SMOX: variants seen among roughly 807,000 people sequenced by gnomAD.
SMOX encodes the protein spermine oxidase, also known as flavin containing amine oxidase.
SMOX carries 22 observed loss-of-function variants against 51.0 expected under a neutral mutation model. That is an observed-to-expected ratio of 0.43 (90% CI 0.31 to 0.62). SMOX has a LOEUF of 0.62. Among genes scored for constraint, SMOX ranks in the 20% least tolerant of loss-of-function variants. The pLI is 0.10. For synonymous variants in SMOX, 282 were observed against 307.8 expected (o/e 0.92, Z 0.88); for missense variants, 566 against 777.7 (o/e 0.73, Z 3.24).
intron 1 of SMOX, among the ~76,000 whole-genome samples, chr20:4,164,498 A>T (rs2122450496): frequency 6.6e-6 from 1 of 152,328 alleles, no homozygotes; most frequent in Non-Finnish European, 1.5e-5. Context: ...CTGGTATTCA[A>T]AGCCAGCGTC....
intron 1 of SMOX, among the ~76,000 whole-genome samples, chr20:4,156,156 C>T (rs1986013014): frequency 6.6e-6 from 1 of 152,208 alleles, no homozygotes; most frequent in South Asian, 2.1e-4. Flanking sequence ...ATTAAAGGTC[C>T]TGACAAGTCC....
At chr20:4,186,340 GA>G (rs751414330) in intron 6 of SMOX, among the ~76,000 whole-genome samples, 3 of 152,134 alleles carry the variant, frequency 2.0e-5, no homozygotes, top group Non-Finnish European at 2.9e-5. Context: ...ATTTTATCAG[GA>G]TCCACAGCTG....
In SMOX at chr20:4,177,867, T is replaced by C. The variant is rs559089605; in HGVS notation, c.435+290T>C. Among the ~76,000 whole-genome samples, 9 of 152,298 alleles carry C rather than the reference T, an allele frequency of 5.9e-5. No individual in the cohort carries two copies. Among genetic ancestry groups the C allele is most frequent in the African/African-American group, 1.9e-4 (8 of 41,562 alleles). ...ATAACTCTACACAAAAAATGAGAAT[T>C]TTGTCTTTTTTTCCTTTCTAGTCAT... On this transcript the variant is annotated intron_variant, in intron 3 of 6. Coordinates refer to ENST00000305958, the MANE Select transcript of SMOX (RefSeq NM_175839.3). The surrounding 1 kb of genome is among the most constrained non-coding windows in gnomAD (Gnocchi z 4.3).
intron 1 of SMOX, among the ~76,000 whole-genome samples, chr20:4,161,160 C>T (rs969771307): frequency 6.6e-6 from 1 of 152,188 alleles, no homozygotes; most frequent in African/African-American, 2.4e-5. Flanking sequence ...GAAGCCACCC[C>T]CTCAGCTGCC....
chr20:4,186,817 C>T (rs767683709), intron 6 of SMOX: 1 of 781,024 alleles, frequency 1.3e-6, no homozygotes, highest in South Asian at 1.3e-5. Flanking sequence ...TGGATGCTAA[C>T]AGGGGCGCCG....
intron 1 of SMOX, among the ~76,000 whole-genome samples, chr20:4,152,153 G>T (rs1985795711): frequency 6.6e-6 from 1 of 152,198 alleles, no homozygotes; most frequent in South Asian, 2.1e-4. Context: ...GTGAGTCTGT[G>T]TGTGTGTCAC....
chr20:4,182,604 C>T lies in SMOX; in HGVS notation c.1125C>T (p.Pro375=), dbSNP rs201590681. ...AGATCTTTCTGGAATTCGAGGAGCC[C>T]TTCTGGGGCCCTGAGTGCAACAGCC... ...TDKIFLEFEE[P]FWGPECNSLQ... Residue 375 remains proline, a synonymous_variant, in exon 5 of 7, where the codon CCC becomes CCT. Coordinates refer to ENST00000305958, the MANE Select transcript of SMOX (RefSeq NM_175839.3). The surrounding 1 kb of genome is among the most constrained non-coding windows in gnomAD (Gnocchi z 8.4). 57 of 1,614,068 alleles carry T rather than the reference C, an allele frequency of 3.5e-5. No individual in the cohort carries two copies. The African/African-American group carries it at 7.2e-4, about 20-fold the overall frequency.
At chr20:4,179,281 G>A (rs1242462650) in intron 3 of SMOX, among the ~76,000 whole-genome samples, 3 of 152,294 alleles carry the variant, frequency 2.0e-5, no homozygotes, top group Non-Finnish European at 2.9e-5. Context: ...TTCGGGGCCC[G>A]TGGTTTGTTC....
At chr20:4,169,278 A>G (rs1374242271) in intron 1 of SMOX, among the ~76,000 whole-genome samples, 2 of 152,160 alleles carry the variant, frequency 1.3e-5, no homozygotes, top group East Asian at 3.9e-4. Flanking sequence ...CCGCGATTAC[A>G]GGCATGAACC....
intron 6 of SMOX, among the ~76,000 whole-genome samples, chr20:4,184,440 A>G (rs1029687262): frequency 1.3e-5 from 2 of 152,052 alleles, no homozygotes; most frequent in Admixed American, 6.6e-5. Context: ...TGTTTTCCCA[A>G]TATATTTCAG....
chr20:4,181,276 C>T lies in SMOX; in HGVS notation c.436-527C>T, dbSNP rs73076578. On this transcript the variant is annotated intron_variant, in intron 3 of 6. Coordinates refer to ENST00000305958, the MANE Select transcript of SMOX (RefSeq NM_175839.3). This position sits in a 1 kb window ranked among gnomAD's most constrained non-coding sequence, Gnocchi z 5.6. ...CCTGAAGCAAAGGGGGTGCTTTGTA[C>T]GGAGCTGCACAGGCCCAGGGAGGTG... Among the ~76,000 whole-genome samples, 5,101 of 152,268 alleles carry T rather than the reference C, an allele frequency of 0.034. 103 individuals are homozygous for T. The highest frequency in any genetic ancestry group is 0.042 in the Non-Finnish European group (2,869 of 68,014).
At chr20:4,186,644 G>A in intron 6 of SMOX, 1 of 724,610 alleles carries the variant, frequency 1.4e-6, no homozygotes, top group South Asian at 1.5e-5. Context: ...CCCTGACACT[G>A]GGCCTCTTTT....
Position 4,182,028 on chromosome 20 carries a change from G to A in SMOX, c.609+52G>A, listed in dbSNP as rs760547805. The A allele has an allele frequency of 7.7e-5, 123 of 1,600,688 alleles. No individual in the cohort carries two copies. The highest frequency in any genetic ancestry group is 9.8e-5 in the Non-Finnish European group (115 of 1,172,608). The stretch of plus-strand genomic sequence containing the variant: ...GGCGTCTGGGTCTGAGGAGGGCTAC[G>A]CTGCTCCTACCCCTGCCCAACCCCG... On this transcript the variant is annotated intron_variant, in intron 4 of 6. Transcript: ENST00000305958. This position sits in a 1 kb window ranked among gnomAD's most constrained non-coding sequence, Gnocchi z 8.4.
Position 4,183,569 on chromosome 20 carries a change from A to G in SMOX, c.1445A>G (p.Tyr482Cys). 2 of 1,613,852 alleles carry G rather than the reference A, an allele frequency of 1.2e-6. No individual in the cohort carries two copies. The highest frequency in any genetic ancestry group is 2.2e-5 in the East Asian group (1 of 44,880). ...AGCAACCCTTACTTCCGCGGCTCCTATTCATACACGCAGGTGGGCTCCAGC... is the reference window on the plus strand; with the variant it reads ...AGCAACCCTTACTTCCGCGGCTCCTGTTCATACACGCAGGTGGGCTCCAGC... Reference protein sequence around the residue: ...WGSNPYFRGSYSYTQVGSSGA... With the variant: ...WGSNPYFRGSCSYTQVGSSGA... Residue 482 changes from tyrosine to cysteine, a missense_variant, in exon 6 of 7, where the codon TAT becomes TGT. Transcript: ENST00000305958. The surrounding 1 kb of genome is among the most constrained non-coding windows in gnomAD (Gnocchi z 4.3).
Position 4,177,624 on chromosome 20 carries a change from G to A in SMOX, c.435+47G>A, listed in dbSNP as rs972460827. ...TGGGCGTAAGGGCATGGGGAGACCT[G>A]GGAGGTCTGTGATTCTGGTCGTGTC... On this transcript the variant is annotated intron_variant, in intron 3 of 6. Transcript: ENST00000305958. This position sits in a 1 kb window ranked among gnomAD's most constrained non-coding sequence, Gnocchi z 4.3. 3 of 1,524,472 alleles carry A rather than the reference G, an allele frequency of 2.0e-6. No individual in the cohort carries two copies. The highest frequency in any genetic ancestry group is 2.7e-6 in the Non-Finnish European group (3 of 1,125,514). 94.4% of individuals were successfully genotyped at this position (1,524,472 alleles called of 1,614,324 possible). A position where few individuals can be genotyped will look rare whatever the true frequency, so the allele number is the denominator to read the frequency against.
Position 4,187,232 on chromosome 20 carries a change from T to C in SMOX, c.1531-38T>C. 2.5e-6 allele frequency: 4 copies of C among 1,588,040 alleles called. No individual in the cohort carries two copies. The highest frequency in any genetic ancestry group is 3.4e-6 in the Non-Finnish European group (4 of 1,163,502). ...GGCCTTGTGGCCTTCTGGCCTTTGCTGCTCCTCCACCCTGACCTCCCCATC... is the reference window on the plus strand; with the variant it reads ...GGCCTTGTGGCCTTCTGGCCTTTGCCGCTCCTCCACCCTGACCTCCCCATC... On this transcript the variant is annotated intron_variant, in intron 6 of 6. Transcript: ENST00000305958. This position sits in a 1 kb window ranked among gnomAD's most constrained non-coding sequence, Gnocchi z 4.8.
In SMOX at chr20:4,175,254, G is replaced by A; in HGVS notation, c.199G>A (p.Val67Met). The A allele has an allele frequency of 1.9e-6, 3 of 1,614,038 alleles. No individual in the cohort carries two copies. Among genetic ancestry groups the A allele is most frequent in the Non-Finnish European group, 2.5e-6 (3 of 1,179,974 alleles). The change falls in exon 2 of 7, where the codon GTG (valine) becomes ATG (methionine). Residue 67 changes from valine to methionine, a missense_variant. This residue lies in a region of SMOX where 217 missense variants were observed against 278.4 expected (regional missense o/e 0.78). Coordinates refer to ENST00000305958, the MANE Select transcript of SMOX (RefSeq NM_175839.3). ...CCACATCGGAGGCCGTGTGCAGAGT[G>A]TGAAACTTGGTAAGTGCCACCCAGT... ...SSHIGGRVQS[V>M]KLGHATFELG...
At position 4,175,046 on chromosome 20, in the gene SMOX, C is replaced by T. The variant is rs373300349; in HGVS notation, c.-10C>T. On this transcript the variant is annotated 5_prime_UTR_variant, in exon 2 of 7. Coordinates refer to ENST00000305958, the MANE Select transcript of SMOX (RefSeq NM_175839.3). ...CCCCTGCAGGTTCCTAGAAGGTGAG[C>T]GCGGACGGTATGCAAAGTTGTGAAT... 79 of 1,613,780 alleles carry T rather than the reference C, an allele frequency of 4.9e-5. No individual in the cohort carries two copies. The highest frequency in any genetic ancestry group is 4.4e-4 in the South Asian group (40 of 91,068).
chr20:4,174,378 C>G (rs546871347), intron 1 of SMOX, among the ~76,000 whole-genome samples: 57 of 151,746 alleles, frequency 3.8e-4, no homozygotes, highest in African/African-American at 1.2e-3. Flanking sequence ...CAAGTATCTT[C>G]GGGTCCAGGC....
Sources: gnomAD v4.1 joint callset for allele counts (sites outside exome capture counted in the v4.1 genomes callset) on GRCh38, gnomAD v4.1.1 for gene constraint, gnomAD v4.1.1 regional missense constraint, Gnocchi (gnomAD v3.1) non-coding constraint, MANE v1.5 for transcripts, NCBI Gene and HGNC (gene_info 2026-07-23, HGNC 2026-07-21) for gene names.